The following AP4S1 variants were observed in gnomAD, a reference collection of about 807,000 sequenced individuals.
AP4S1 encodes the protein AP-4 complex subunit sigma-1.
AP4S1 carries 23 observed loss-of-function variants against 19.8 expected under a neutral mutation model. That is an observed-to-expected ratio of 1.16 (90% CI 0.84 to 1.65). AP4S1 has a LOEUF of 1.65. Among genes scored for constraint, AP4S1 ranks in the 40% most tolerant of loss-of-function variants. The pLI is 0.00. For synonymous variants in AP4S1, 46 were observed against 54.1 expected (o/e 0.85, Z 0.66); for missense variants, 166 against 172.8 (o/e 0.96, Z 0.22).
chr14:31,073,182 CT>C, intron 4 of AP4S1: 2 of 508,184 alleles, frequency 3.9e-6, no homozygotes, highest in Non-Finnish European at 3.5e-6. Flanking sequence ...TTATAAAGAA[CT>C]GGAAAAAAAA....
At chr14:31,063,445 T>C (rs551591063) in intron 1 of AP4S1, among the ~76,000 whole-genome samples, 56 of 151,752 alleles carry the variant, frequency 3.7e-4, no homozygotes, top group Admixed American at 5.9e-4. Flanking sequence ...AAAATAAAAA[T>C]AAATAAAAGT....
chr14:31,044,594 C>T (rs1467683524), intron 1 of AP4S1, among the ~76,000 whole-genome samples: 1 of 151,828 alleles, frequency 6.6e-6, no homozygotes, highest in Non-Finnish European at 1.5e-5. Flanking sequence ...GCAATCCACC[C>T]ACCTCAGCTT....
At position 31,096,060 on chromosome 14, in the gene AP4S1, C is replaced by T. The variant is rs1888193591; in HGVS notation, c.*3025C>T. On this transcript the variant is annotated 3_prime_UTR_variant, in exon 6 of 6. Coordinates refer to ENST00000542754, the MANE Select transcript of AP4S1 (RefSeq NM_001128126.3). ...AGATCGAGATTGTGCCACTGCACTC[C>T]AGCCTGGGCACAGAGTGAGATTCCG... is the stretch of plus-strand genomic sequence containing the variant. The T allele has an allele frequency of 7.3e-6, 1 of 137,550 alleles. No homozygotes were observed. The highest frequency in any genetic ancestry group is 2.2e-4 in the South Asian group (1 of 4,454). 8.5% of individuals were successfully genotyped at this position (137,550 alleles called of 1,614,324 possible).
chr14:31,057,234 A>C lies in AP4S1; in HGVS notation c.-71-8892A>C, dbSNP rs59653938. Among the ~76,000 whole-genome samples the C allele has an allele frequency of 3.1e-3, 477 of 152,318 alleles. 1 individual carries two copies. The highest frequency in any genetic ancestry group is 0.011 in the African/African-American group (448 of 41,552). ...GATCAGTTTTCCCATCTACAAAATG[A>C]AGGGAATACACCTCAGGGATGACAA... On this transcript the variant is annotated intron_variant, in intron 1 of 5. Coordinates refer to ENST00000542754, the MANE Select transcript of AP4S1 (RefSeq NM_001128126.3).
intron 1 of AP4S1, among the ~76,000 whole-genome samples, chr14:31,047,231 A>G (rs899412493): frequency 2.6e-5 from 4 of 152,086 alleles, no homozygotes; most frequent in African/African-American, 4.8e-5. Context: ...TATATATTCT[A>G]AATCCAAGTC....
intron 1 of AP4S1, among the ~76,000 whole-genome samples, chr14:31,056,122 G>A (rs1221081266): frequency 6.6e-6 from 1 of 151,990 alleles, no homozygotes; most frequent in African/African-American, 2.4e-5. Context: ...TAGGATTACA[G>A]GCATGAGCCA....
At chr14:31,049,428 A>T (rs868410495) in intron 1 of AP4S1, among the ~76,000 whole-genome samples, 78 of 57,696 alleles carry the variant, frequency 1.4e-3, no homozygotes, top group African/African-American at 5.3e-3. Context: ...AAAAAAAAAA[A>T]ATATATATAT....
chr14:31,028,200 C>T (rs1374664690), intron 1 of AP4S1, among the ~76,000 whole-genome samples: 1 of 149,830 alleles, frequency 6.7e-6, no homozygotes, highest in African/African-American at 2.5e-5. Context: ...TTTTTTGAGA[C>T]AGGGTCTCAC....
At chr14:31,063,676 A>G (rs1886562593) in intron 1 of AP4S1, among the ~76,000 whole-genome samples, 2 of 152,200 alleles carry the variant, frequency 1.3e-5, no homozygotes, top group South Asian at 4.1e-4. Context: ...AGACTAAAGC[A>G]ACATGACAAT....
At chr14:31,072,233 G>C (rs146979208) in intron 3 of AP4S1, among the ~76,000 whole-genome samples, 1 of 151,466 alleles carries the variant, frequency 6.6e-6, no homozygotes, top group East Asian at 2.0e-4. Flanking sequence ...GAGCCATTAC[G>C]CCAAGCCTAT....
At chr14:31,063,490 GTCCCAGCTAC>G (rs1886551633) in intron 1 of AP4S1, among the ~76,000 whole-genome samples, 1 of 152,006 alleles carries the variant, frequency 6.6e-6, no homozygotes, top group Non-Finnish European at 1.5e-5. Flanking sequence ...TGTATCTGTA[GTCCCAGCTAC>G]TCCCAGCTAC....
chr14:31,092,878 TTAAAC>T (rs1453634770), intron 5 of AP4S1, 24 bp from the exon 6 acceptor site: 24 of 1,453,916 alleles, frequency 1.7e-5, no homozygotes, highest in South Asian at 4.1e-5. Context: ...ATTTTTAACT[TTAAAC>T]TAATTTCCTT....
At chr14:31,088,807 C>CAAA (rs1283476951) in intron 5 of AP4S1, among the ~76,000 whole-genome samples, 23 of 35,278 alleles carry the variant, frequency 6.5e-4, no homozygotes, top group East Asian at 3.4e-3. Context: ...GACTCCATCT[C>CAAA]AAAAAAAAAA....
intron 3 of AP4S1, among the ~76,000 whole-genome samples, chr14:31,072,588 C>G (rs748650980): frequency 1.3e-5 from 2 of 152,100 alleles, no homozygotes; most frequent in South Asian, 4.2e-4. Flanking sequence ...CTAGGCTGGT[C>G]CTGAACTCCT....
chr14:31,096,235 G>A lies in AP4S1; in HGVS notation c.*3200G>A, dbSNP rs1888199246. On this transcript the variant is annotated 3_prime_UTR_variant, in exon 6 of 6. Transcript: ENST00000542754. ...AGTAAATTACTGTCATTACAGAAGA[G>A]CAATGCACTGCATCCCCCCAAAACC... 6.6e-6 allele frequency: 1 copy of A among 151,828 alleles called. No homozygotes were observed. The highest frequency in any genetic ancestry group is 2.4e-5 in the African/African-American group (1 of 41,310). The allele number at this position is 151,828 out of a possible 1,614,324, so 9.4% of individuals were successfully genotyped here.
intron 1 of AP4S1, among the ~76,000 whole-genome samples, chr14:31,058,218 C>T (rs1358214516): frequency 2.0e-5 from 3 of 152,144 alleles, no homozygotes; most frequent in Non-Finnish European, 2.9e-5. Context: ...GCATGAACCA[C>T]CTCGCCTGGC....
chr14:31,028,506 C>T (rs1477053032), intron 1 of AP4S1, among the ~76,000 whole-genome samples: 2 of 152,046 alleles, frequency 1.3e-5, no homozygotes, highest in Admixed American at 1.3e-4. Context: ...CAACATACAA[C>T]CTGTTTATTC....
At chr14:31,071,868 A>G (rs1887021879) in intron 3 of AP4S1, among the ~76,000 whole-genome samples, 1 of 150,916 alleles carries the variant, frequency 6.6e-6, no homozygotes, top group African/African-American at 2.4e-5. Flanking sequence ...GGCGCACACC[A>G]AGATACCTGG....
Position 31,035,625 on chromosome 14 carries a change from T to TA in AP4S1, c.-72+9839dup, listed in dbSNP as rs1192772220. ...AAATCCATACATTTCATTTGGTTGT[T>TA]ACGTTTTTAGGTCTTTTTTTTTTTT... On this transcript the variant is annotated intron_variant, in intron 1 of 5. Transcript: ENST00000542754. 6.0e-5 allele frequency among the ~76,000 whole-genome samples: 9 copies of TA among 149,134 alleles called. No individual in the cohort carries two copies. The East Asian group carries it at 1.2e-3, about 19-fold the overall frequency.
Sources: gnomAD v4.1 joint callset for allele counts (sites outside exome capture counted in the v4.1 genomes callset) on GRCh38, gnomAD v4.1.1 for gene constraint, MANE v1.5 for transcripts, NCBI Gene and HGNC (gene_info 2026-07-23, HGNC 2026-07-21) for gene names.